NSMCE2: variants seen among roughly 807,000 people sequenced by gnomAD.
NSMCE2 encodes the protein E3 SUMO-protein ligase NSE2.
In NSMCE2, 24 loss-of-function variants were observed where a neutral mutation model predicts 23.8. The ratio of observed to expected loss-of-function variants is 1.01; its 90% confidence interval spans 0.73 to 1.42. The LOEUF (loss-of-function observed/expected upper bound fraction) is 1.42. Among genes scored for constraint, NSMCE2 ranks in the 40% most tolerant of loss-of-function variants. The pLI, the probability that NSMCE2 is intolerant of heterozygous loss-of-function variation, is 0.00. For synonymous variants in NSMCE2, 92 were observed against 94.1 expected, an observed-to-expected ratio of 0.98 and a Z score of 0.13; for missense variants, 284 against 296.5, an observed-to-expected ratio of 0.96 and a Z score of 0.31.
At chr8:125,271,276 G>A (rs1426374735) in intron 5 of NSMCE2, among the ~76,000 whole-genome samples, 1 of 137,118 alleles carries the variant, frequency 7.3e-6, no homozygotes, top group African/African-American at 2.6e-5. Flanking sequence ...AAAAAAAAAA[G>A]TATTACTCTA....
rs184346103 is a variant in NSMCE2, at chr8:125,179,418, C to T, written c.265-2685C>T. On this transcript the variant is annotated intron_variant, in intron 4 of 7. Coordinates refer to ENST00000287437, the MANE Select transcript of NSMCE2 (RefSeq NM_173685.4). ...TTTTCATGCTACATGATTAGCCACT[C>T]AATTTTTTTTCCTTTCATTAATCTG... 1.9e-4 allele frequency among the ~76,000 whole-genome samples: 29 copies of T among 152,246 alleles called. No individual in the cohort carries two copies. In the East Asian group the frequency reaches 4.4e-3, roughly 23 times the overall value.
chr8:125,304,230 T>C (rs1828668341), intron 5 of NSMCE2, among the ~76,000 whole-genome samples: 1 of 152,232 alleles, frequency 6.6e-6, no homozygotes, highest in East Asian at 1.9e-4. Context: ...ATTCATTTCA[T>C]TTGCATTGTT....
At chr8:125,103,478 A>G (rs1023429365) in intron 3 of NSMCE2, among the ~76,000 whole-genome samples, 1 of 151,986 alleles carries the variant, frequency 6.6e-6, no homozygotes, top group African/African-American at 2.4e-5. Context: ...CCTGACTGAT[A>G]TTGTTTGAGA....
intron 5 of NSMCE2, among the ~76,000 whole-genome samples, chr8:125,183,719 T>G (rs1822944329): frequency 6.6e-6 from 1 of 151,820 alleles, no homozygotes; most frequent in South Asian, 2.1e-4. Context: ...AACCCCTCAG[T>G]TGGGATGTAG....
At chr8:125,226,002 C>T (rs1825075613) in intron 5 of NSMCE2, among the ~76,000 whole-genome samples, 1 of 152,192 alleles carries the variant, frequency 6.6e-6, no homozygotes, top group Non-Finnish European at 1.5e-5. Flanking sequence ...CCCCACTTAG[C>T]ACCTGCGTAT....
chr8:125,278,059 GGGTCCAAAATGCTGTGCAC>G (rs1827544929), intron 5 of NSMCE2, among the ~76,000 whole-genome samples: 1 of 152,158 alleles, frequency 6.6e-6, no homozygotes, highest in African/African-American at 2.4e-5. Flanking sequence ...TAAACTGTCT[GGGTCCAAAATGCTGTGCAC>G]ATAGCCCGTG....
intron 5 of NSMCE2, among the ~76,000 whole-genome samples, chr8:125,353,003 G>A (rs184692347): frequency 1.2e-4 from 19 of 152,010 alleles, no homozygotes; most frequent in Non-Finnish European, 2.2e-4. Context: ...TTTTTATTTC[G>A]TGATCACTGA....
intron 5 of NSMCE2, among the ~76,000 whole-genome samples, chr8:125,334,263 T>C (rs1829992151): frequency 6.6e-6 from 1 of 152,200 alleles, no homozygotes; most frequent in Non-Finnish European, 1.5e-5. Flanking sequence ...GGAGGTGCTT[T>C]GATCATTGTC....
chr8:125,220,707 GCTATCTCAGC>G (rs1824815913), intron 5 of NSMCE2, among the ~76,000 whole-genome samples: 1 of 151,276 alleles, frequency 6.6e-6, no homozygotes, highest in African/African-American at 2.4e-5. Flanking sequence ...TTCAAAGTTA[GCTATCTCAGC>G]CACACCCAAA....
At chr8:125,105,971 AC>A (rs1818437307) in intron 3 of NSMCE2, among the ~76,000 whole-genome samples, 1 of 152,060 alleles carries the variant, frequency 6.6e-6, no homozygotes, top group Non-Finnish European at 1.5e-5. Context: ...AACAACTTAG[AC>A]AGACACAGAG....
intron 3 of NSMCE2, among the ~76,000 whole-genome samples, chr8:125,140,513 A>G (rs1820310545): frequency 6.6e-6 from 1 of 152,160 alleles, no homozygotes; most frequent in South Asian, 2.1e-4. Flanking sequence ...AAATACAAAA[A>G]TTAGCTGGGC....
intron 5 of NSMCE2, among the ~76,000 whole-genome samples, chr8:125,274,597 C>T (rs1290180963): frequency 6.6e-6 from 1 of 152,074 alleles, no homozygotes; most frequent in African/African-American, 2.4e-5. Flanking sequence ...AGGAGAGATG[C>T]ATCTTCAGTT....
chr8:125,102,627 A>G (rs1009122675), intron 3 of NSMCE2, 140 bp downstream of exon 3: 5 of 657,260 alleles, frequency 7.6e-6, no homozygotes, highest in Non-Finnish European at 1.4e-5. Context: ...TATTCTACAC[A>G]CCGCAGCAGG....
chr8:125,170,502 G>T (rs1313813812), intron 4 of NSMCE2, among the ~76,000 whole-genome samples: 4 of 143,584 alleles, frequency 2.8e-5, no homozygotes, highest in Non-Finnish European at 4.5e-5. Flanking sequence ...CACCTCCCGG[G>T]TTCAGGAGAT....
At chr8:125,349,598 A>G (rs1428649755) in intron 5 of NSMCE2, among the ~76,000 whole-genome samples, 1 of 151,352 alleles carries the variant, frequency 6.6e-6, no homozygotes, top group East Asian at 1.9e-4. Context: ...AAAAAAAAAA[A>G]AGAAAGAAAA....
At chr8:125,097,934 C>T (rs762714486) in intron 1 of NSMCE2, among the ~76,000 whole-genome samples, 1 of 152,072 alleles carries the variant, frequency 6.6e-6, no homozygotes, top group Non-Finnish European at 1.5e-5. Flanking sequence ...TTAGGACCAA[C>T]CCTTCCTGCT....
intron 4 of NSMCE2, among the ~76,000 whole-genome samples, chr8:125,171,419 C>G (rs1586559292): frequency 1.3e-5 from 2 of 152,270 alleles, no homozygotes; most frequent in Admixed American, 6.5e-5. Context: ...AGTCCTAGCT[C>G]CAATACTGAG....
chr8:125,220,572 C>G (rs765672693), intron 5 of NSMCE2, among the ~76,000 whole-genome samples: 17 of 151,506 alleles, frequency 1.1e-4, no homozygotes, highest in Non-Finnish European at 2.2e-4. Context: ...ACAACTTGTT[C>G]TCTGCTTGAC....
intron 3 of NSMCE2, among the ~76,000 whole-genome samples, chr8:125,129,246 GAGA>G (rs1289953216): frequency 3.9e-5 from 6 of 152,154 alleles, no homozygotes; most frequent in Non-Finnish European, 8.8e-5. Flanking sequence ...TAGTGAGATT[GAGA>G]AGGAGCCACT....
Sources: allele counts gnomAD v4.1 joint callset (sites outside exome capture counted in the v4.1 genomes callset), GRCh38; gene constraint gnomAD v4.1.1; transcripts MANE v1.5; gene names NCBI Gene and HGNC (gene_info 2026-07-23, HGNC 2026-07-21).